CELF4: variants seen among roughly 807,000 people sequenced by gnomAD.
CELF4 encodes CUGBP Elav-like family member 4, also known as CUG-BP- and ETR-3-like factor 4.
Under a neutral mutation model 59.9 loss-of-function variants are expected in CELF4, and 18 were observed. The observed-to-expected ratio is 0.30, with a 90% CI of 0.21 to 0.45. The LOEUF (loss-of-function observed/expected upper bound fraction) is 0.45, where lower values mean the gene tolerates loss of function less well. CELF4 is among the 20% of genes least tolerant of loss of function. CELF4 has a pLI of 1.00. For synonymous variants in CELF4, 261 were observed against 267.1 expected (o/e 0.98, Z 0.22); for missense variants, 456 against 689.0 (o/e 0.66, Z 3.79).
intron 3 of CELF4, among the ~76,000 whole-genome samples, chr18:37,309,421 A>G (rs1289202272): frequency 6.7e-6 from 1 of 148,288 alleles, no homozygotes; most frequent in Admixed American, 6.9e-5. Context: ...GGGGTGACTT[A>G]ATGAGAGGAT....
chr18:37,259,148 G>A (rs371418835), intron 11 of CELF4, 33 bp downstream of exon 11: 17 of 1,613,588 alleles, frequency 1.1e-5, no homozygotes, highest in South Asian at 8.8e-5. Context: ...TTAGTCGCCC[G>A]ATCCACAAAC....
chr18:37,288,345 C>A (rs1373912616), intron 3 of CELF4, among the ~76,000 whole-genome samples: 4 of 152,208 alleles, frequency 2.6e-5, no homozygotes, highest in Non-Finnish European at 5.9e-5. Context: ...GGTGTTGGCC[C>A]ACATGGTTTA....
intron 2 of CELF4, among the ~76,000 whole-genome samples, chr18:37,348,157 C>T (rs1422118102): frequency 2.0e-5 from 3 of 152,186 alleles, no homozygotes; most frequent in African/African-American, 7.2e-5. Context: ...CTTGCGCCTC[C>T]TTCTCTAAAC....
chr18:37,295,979 T>C (rs893642375), intron 3 of CELF4, among the ~76,000 whole-genome samples: 3 of 152,126 alleles, frequency 2.0e-5, no homozygotes, highest in Non-Finnish European at 4.4e-5. Flanking sequence ...AGAGGAGCTC[T>C]GTGAGGAGCT....
At chr18:37,311,926 A>G (rs989407910) in intron 3 of CELF4, among the ~76,000 whole-genome samples, 2 of 151,650 alleles carry the variant, frequency 1.3e-5, no homozygotes, top group African/African-American at 4.8e-5. Context: ...CCTGGCTAAC[A>G]TGGTGAAACC....
intron 2 of CELF4, among the ~76,000 whole-genome samples, chr18:37,428,655 C>G (rs1463943962): frequency 6.6e-6 from 1 of 152,168 alleles, no homozygotes; most frequent in Non-Finnish European, 1.5e-5. Context: ...TAGGGAATCT[C>G]AGTTATGTAC....
At chr18:37,268,188 G>T (rs965282578) in intron 8 of CELF4, among the ~76,000 whole-genome samples, 1 of 152,156 alleles carries the variant, frequency 6.6e-6, no homozygotes, top group Non-Finnish European at 1.5e-5. Context: ...CTGCTCAGAT[G>T]GGGGGAGCTG....
intron 2 of CELF4, among the ~76,000 whole-genome samples, chr18:37,374,159 A>G (rs1283965101): frequency 4.6e-5 from 7 of 152,176 alleles, no homozygotes; most frequent in Non-Finnish European, 1.0e-4. Flanking sequence ...TGGGCAGAGA[A>G]GTTCCCCGCA....
intron 3 of CELF4, among the ~76,000 whole-genome samples, chr18:37,293,531 A>G (rs2095470036): frequency 6.6e-6 from 1 of 152,062 alleles, no homozygotes; most frequent in Non-Finnish European, 1.5e-5. Flanking sequence ...ACATTTGCAA[A>G]TACCCTATTT....
chr18:37,263,305 A>G (rs1335861186), intron 10 of CELF4, among the ~76,000 whole-genome samples: 3 of 152,148 alleles, frequency 2.0e-5, no homozygotes, highest in African/African-American at 7.2e-5. Context: ...TTGGGGTCTG[A>G]GGGACTTGTC....
At chr18:37,296,344 T>C (rs1373192) in intron 3 of CELF4, among the ~76,000 whole-genome samples, 83,202 of 152,004 alleles carry the variant, frequency 0.55, 24,831 homozygotes, top group African/African-American at 0.8. Flanking sequence ...TACAGGTGCA[T>C]GCCACCATGC....
chr18:37,421,793 C>G (rs1266978549), intron 2 of CELF4, among the ~76,000 whole-genome samples: 1 of 152,194 alleles, frequency 6.6e-6, no homozygotes. Context: ...GACAGTCACG[C>G]GCAGCCTGTG....
At chr18:37,363,698 G>A (rs1405245966) in intron 2 of CELF4, among the ~76,000 whole-genome samples, 1 of 152,196 alleles carries the variant, frequency 6.6e-6, no homozygotes, top group African/African-American at 2.4e-5. Flanking sequence ...TATTTAGCAT[G>A]GCTTCTTCAT....
chr18:37,298,684 C>T (rs79751414), intron 3 of CELF4, among the ~76,000 whole-genome samples: 1 of 149,826 alleles, frequency 6.7e-6, no homozygotes, highest in East Asian at 2.0e-4. Flanking sequence ...GAGATTGCGC[C>T]ATTGCACTCC....
chr18:37,551,517 C>T (rs1000081158), intron 1 of CELF4, among the ~76,000 whole-genome samples: 1 of 152,184 alleles, frequency 6.6e-6, no homozygotes, highest in African/African-American at 2.4e-5. Flanking sequence ...TCAGCTTCAT[C>T]CCCATGGCCT....
Position 37,254,235 on chromosome 18 carries a change from G to C in CELF4, c.1334-297C>G, listed in dbSNP as rs2067632952. Among the ~76,000 whole-genome samples, 1 of 151,094 alleles carries C rather than the reference G, an allele frequency of 6.6e-6. No homozygotes were observed. The highest frequency in any genetic ancestry group is 2.1e-4 in the South Asian group (1 of 4,824). ...CCCGCGGCCGGGCGGCGCTGGGAGA[G>C]GCGCCCGCCCCCCACCCCCGCCGGC... On this transcript the variant is annotated intron_variant, in intron 11 of 12. Transcript: ENST00000420428. The surrounding 1 kb of genome is among the most constrained non-coding windows in gnomAD (Gnocchi z 5.1).
At chr18:37,409,319 C>T (rs2099414981) in intron 2 of CELF4, among the ~76,000 whole-genome samples, 1 of 152,186 alleles carries the variant, frequency 6.6e-6, no homozygotes, top group South Asian at 2.1e-4. Flanking sequence ...ATGTGATGCA[C>T]TGCTTCCTAC....
At chr18:37,395,247 G>T (rs942429573) in intron 2 of CELF4, among the ~76,000 whole-genome samples, 5 of 152,012 alleles carry the variant, frequency 3.3e-5, no homozygotes, top group East Asian at 1.9e-4. Flanking sequence ...TACAACCCAC[G>T]GTCCTGGTGA....
intron 2 of CELF4, among the ~76,000 whole-genome samples, chr18:37,374,338 G>A (rs2098939912): frequency 6.6e-6 from 1 of 152,228 alleles, no homozygotes. Context: ...GGTCCTCACT[G>A]CCTGGTGCAG....
Sources: gnomAD v4.1 joint callset for allele counts (sites outside exome capture counted in the v4.1 genomes callset) on GRCh38, gnomAD v4.1.1 for gene constraint, Gnocchi (gnomAD v3.1) non-coding constraint, MANE v1.5 for transcripts, NCBI Gene and HGNC (gene_info 2026-07-23, HGNC 2026-07-21) for gene names.